The following SUCLG2 variants were observed in gnomAD, a reference collection of about 807,000 sequenced individuals.
SUCLG2 encodes the protein succinate-CoA ligase GDP-forming subunit beta, also known as succinate--CoA ligase [GDP-forming] subunit beta, mitochondrial.
Under a neutral mutation model 47.9 loss-of-function variants are expected in SUCLG2, and 42 were observed. The observed-to-expected ratio is 0.88, with a 90% CI of 0.69 to 1.14. The LOEUF is 1.14. SUCLG2 is among the 50% of genes most tolerant of loss of function. The pLI, the probability that SUCLG2 is intolerant of heterozygous loss-of-function variation, is 0.00. For missense variants in SUCLG2, 571 were observed against 525.9 expected (o/e 1.09, Z -0.84); for synonymous variants, 195 against 197.3 (o/e 0.99, Z 0.10).
intron 7 of SUCLG2, among the ~76,000 whole-genome samples, chr3:67,507,755 C>G (rs969189757): frequency 1.3e-5 from 2 of 152,196 alleles, no homozygotes; most frequent in Non-Finnish European, 1.5e-5. Context: ...CATAATGATT[C>G]ACCCCAGTTA....
At chr3:67,441,707 T>C (rs1411999240) in intron 9 of SUCLG2, among the ~76,000 whole-genome samples, 2 of 152,204 alleles carry the variant, frequency 1.3e-5, no homozygotes, top group Non-Finnish European at 2.9e-5. Flanking sequence ...CTACCCAAGA[T>C]GACATTGCTA....
At chr3:67,468,016 A>G (rs1190908873) in intron 9 of SUCLG2, among the ~76,000 whole-genome samples, 1 of 152,212 alleles carries the variant, frequency 6.6e-6, no homozygotes, top group African/African-American at 2.4e-5. Flanking sequence ...TGCCCAAATG[A>G]GTGCTACAAG....
intron 9 of SUCLG2, among the ~76,000 whole-genome samples, chr3:67,407,631 C>G (rs540502039): frequency 6.6e-6 from 1 of 152,146 alleles, no homozygotes; most frequent in East Asian, 1.9e-4. Context: ...GTAGCATATA[C>G]GTGAAGCACA....
intron 2 of SUCLG2, among the ~76,000 whole-genome samples, chr3:67,604,822 T>C (rs1045567702): frequency 2.0e-5 from 3 of 152,226 alleles, no homozygotes; most frequent in African/African-American, 4.8e-5. Flanking sequence ...ATCACAGATA[T>C]GATTAATGTC....
At chr3:67,541,132 A>G (rs1706694703) in intron 2 of SUCLG2, among the ~76,000 whole-genome samples, 1 of 152,122 alleles carries the variant, frequency 6.6e-6, no homozygotes, top group African/African-American at 2.4e-5. Flanking sequence ...AATTCCAAAA[A>G]CCAGAACACC....
Position 67,575,531 on chromosome 3 carries a change from G to A in SUCLG2, c.226+33924C>T, listed in dbSNP as rs188957515. On this transcript the variant is annotated intron_variant, in intron 2 of 10. Transcript: ENST00000307227. ...TTGCCTGGGGCTGGGGGTGAGAATG[G>A]CAATTAACATCAAACAGGCATTAGG... Among the ~76,000 whole-genome samples the A allele has an allele frequency of 1.6e-3, 237 of 152,226 alleles. 2 individuals carry two copies. The highest frequency in any genetic ancestry group is 5.4e-3 in the African/African-American group (225 of 41,544).
chr3:67,427,631 C>T (rs1703335496), intron 9 of SUCLG2, among the ~76,000 whole-genome samples: 1 of 152,154 alleles, frequency 6.6e-6, no homozygotes, highest in South Asian at 2.1e-4. Context: ...ATACTGGGTG[C>T]AGCCCATGGA....
intron 9 of SUCLG2, among the ~76,000 whole-genome samples, chr3:67,493,995 T>C (rs1705268171): frequency 1.3e-5 from 2 of 152,174 alleles, no homozygotes; most frequent in Non-Finnish European, 2.9e-5. Context: ...ACTGGAGAAC[T>C]GAAGATAAGT....
At chr3:67,609,180 A>G (rs1700482621) in intron 2 of SUCLG2, among the ~76,000 whole-genome samples, 2 of 152,210 alleles carry the variant, frequency 1.3e-5, no homozygotes, top group African/African-American at 4.8e-5. Flanking sequence ...GTGATTCCAC[A>G]TCTCCTCCCA....
At chr3:67,511,508 C>T (rs1705788865) in intron 6 of SUCLG2, among the ~76,000 whole-genome samples, 1 of 152,120 alleles carries the variant, frequency 6.6e-6, no homozygotes, top group South Asian at 2.1e-4. Flanking sequence ...GGTTCCTCTG[C>T]ACAAGCTCTC....
chr3:67,406,813 T>C (rs1702823097), intron 9 of SUCLG2, among the ~76,000 whole-genome samples: 1 of 152,234 alleles, frequency 6.6e-6, no homozygotes, highest in Non-Finnish European at 1.5e-5. Context: ...TTAACATTTA[T>C]TGAGCATCTA....
intron 9 of SUCLG2, among the ~76,000 whole-genome samples, chr3:67,413,845 G>A (rs1244128048): frequency 1.3e-5 from 2 of 152,146 alleles, no homozygotes; most frequent in Non-Finnish European, 2.9e-5. Flanking sequence ...TCTCTGAAAT[G>A]TCTGGACAAA....
At chr3:67,496,536 A>G (rs1356251836) in intron 8 of SUCLG2, among the ~76,000 whole-genome samples, 2 of 152,200 alleles carry the variant, frequency 1.3e-5, no homozygotes, top group East Asian at 3.8e-4. Flanking sequence ...GGATAAACTT[A>G]GAAACAAATG....
At chr3:67,544,924 T>C (rs1706823373) in intron 2 of SUCLG2, among the ~76,000 whole-genome samples, 2 of 152,180 alleles carry the variant, frequency 1.3e-5, no homozygotes, top group African/African-American at 4.8e-5. Context: ...AGCATATAAA[T>C]AGAAAATACA....
intron 2 of SUCLG2, among the ~76,000 whole-genome samples, chr3:67,578,928 T>C (rs1235825442): frequency 6.6e-6 from 1 of 152,202 alleles, no homozygotes; most frequent in Non-Finnish European, 1.5e-5. Flanking sequence ...TGGGGTGACC[T>C]GGCACCAGTG....
chr3:67,370,681 C>A (rs1701941267), downstream of SUCLG2, among the ~76,000 whole-genome samples: 1 of 152,088 alleles, frequency 6.6e-6, no homozygotes, highest in Non-Finnish European at 1.5e-5. Context: ...AAGAGACAAA[C>A]AGGAATAAAA....
chr3:67,589,922 T>A (rs961779008), intron 2 of SUCLG2, among the ~76,000 whole-genome samples: 5 of 152,242 alleles, frequency 3.3e-5, no homozygotes, highest in African/African-American at 1.2e-4. Flanking sequence ...AAGGTATGTT[T>A]GTCAGGGCAA....
At chr3:67,561,394 C>T (rs1276627371) in intron 2 of SUCLG2, among the ~76,000 whole-genome samples, 1 of 152,096 alleles carries the variant, frequency 6.6e-6, no homozygotes, top group African/African-American at 2.4e-5. Flanking sequence ...AACATTAAGA[C>T]ATCCTTACAT....
At chr3:67,410,444 G>C (rs1488831711) in intron 9 of SUCLG2, among the ~76,000 whole-genome samples, 2 of 152,146 alleles carry the variant, frequency 1.3e-5, no homozygotes, top group African/African-American at 4.8e-5. Context: ...GAGACAAGGA[G>C]TTAAAAGGAC....
Sources: gnomAD v4.1 joint callset for allele counts (sites outside exome capture counted in the v4.1 genomes callset) on GRCh38, gnomAD v4.1.1 for gene constraint, MANE v1.5 for transcripts, NCBI Gene and HGNC (gene_info 2026-07-23, HGNC 2026-07-21) for gene names.